STARD7: variants seen among roughly 807,000 people sequenced by gnomAD.
STARD7 encodes the protein stAR-related lipid transfer protein 7, mitochondrial.
Under a neutral mutation model 45.3 loss-of-function variants are expected in STARD7, and 30 were observed. That is an observed-to-expected ratio of 0.66 (90% CI 0.50 to 0.90). STARD7 has a LOEUF of 0.90. Ranked by LOEUF, STARD7 falls within the 40% of genes least tolerant of loss-of-function variation. The pLI, the probability that STARD7 is intolerant of heterozygous loss-of-function variation, is 0.00. For synonymous variants in STARD7, 199 were observed against 183.0 expected (o/e 1.09, Z -0.70); for missense variants, 495 against 491.3 (o/e 1.01, Z -0.07).
Position 96,208,343 on chromosome 2 carries a change from G to T in STARD7, c.92C>A (p.Thr31Lys), listed in dbSNP as rs889415053. The part of the protein sequence containing the change: ...ALLANQCRFV[T>K]GLRVRRAQQI... ...CTGCGCGCGCCGCACGCGCAGGCCC[G>T]TGACGAAGCGGCACTGATTGGCCAG... Residue 31 changes from threonine (T) to lysine (K), a missense_variant, in exon 1 of 8, where the codon ACG becomes AAG. Physicochemically the swap from Thr to Lys is moderately conservative, Grantham distance 78. Around this residue, in one of 2 missense-constraint regions of STARD7, gnomAD observed 282 missense variants for 220.1 expected, o/e 1.28. Coordinates refer to ENST00000337288, the MANE Select transcript of STARD7 (RefSeq NM_020151.4). 1 of 1,597,886 alleles carries T rather than the reference G, an allele frequency of 6.3e-7. No homozygotes were observed. The highest frequency in any genetic ancestry group is 1.3e-5 in the African/African-American group (1 of 74,582).
rs900824589 is a variant in STARD7 at position 96,193,358 on chromosome 2, G to A, written c.550-6C>T. 1.3e-6 allele frequency: 2 copies of A among 1,595,044 alleles called. No homozygotes were observed. The highest frequency in any genetic ancestry group is 2.2e-5 in the South Asian group (2 of 90,560). ...TTTCTATACTCTGTGTCCAGCTGCA[G>A]AAAGAGAAAAGACCATGAATACCCA... On this transcript the variant is annotated splice_region_variant and splice_polypyrimidine_tract_variant and intron_variant, in intron 3 of 7. Transcript: ENST00000337288.
Position 96,185,376 on chromosome 2 carries a change from GAAAACAAAAACAAAAACA to G in STARD7, c.*1336_*1353del, listed in dbSNP as rs200172621. On this transcript the variant is annotated 3_prime_UTR_variant, in exon 8 of 8. Transcript: ENST00000337288. ...AACACCACAAAACAGTAGCAAGCAG[GAAAACAAAAACAAAAACA>G]AAAACAAAAACTCTGGCCCTCAAGA... The G allele has an allele frequency of 7.1e-6, 1 of 140,244 alleles. No individual in the cohort carries two copies. Among genetic ancestry groups the G allele is most frequent in the Non-Finnish European group, 1.5e-5 (1 of 65,646 alleles). The allele number at this position is 140,244 out of a possible 1,614,324, so 8.7% of individuals were successfully genotyped here.
At chr2:96,200,843 C>T (rs1431415656) in intron 1 of STARD7, among the ~76,000 whole-genome samples, 3 of 152,090 alleles carry the variant, frequency 2.0e-5, no homozygotes, top group Non-Finnish European at 4.4e-5. Flanking sequence ...TCACCCTACC[C>T]CCTGCAACAT....
chr2:96,206,192 C>A (rs1434890849), intron 1 of STARD7, among the ~76,000 whole-genome samples: 1 of 152,126 alleles, frequency 6.6e-6, no homozygotes, highest in Non-Finnish European at 1.5e-5. Context: ...CATTTCCTAT[C>A]TTTTTTCCCC....
In STARD7 at chr2:96,208,607, T is replaced by G. The variant is rs1683449976; in HGVS notation, c.-173A>C. 1.9e-6 allele frequency: 1 copy of G among 526,470 alleles called. No individual in the cohort carries two copies. The highest frequency in any genetic ancestry group is 3.2e-6 in the Non-Finnish European group (1 of 316,716). The allele number at this position is 526,470 out of a possible 1,614,324, so 32.6% of individuals were successfully genotyped here. A position where few individuals can be genotyped will look rare whatever the true frequency, so the allele number is the denominator to read the frequency against. On this transcript the variant is annotated 5_prime_UTR_variant, in exon 1 of 8. Transcript: ENST00000337288. ...CTGCAGCCACCGCTGAGGAAGAGTC[T>G]CCTCTGAGGGGAGAGTCGGTCATGG...
chr2:96,199,099 T>C (rs1683268193), intron 1 of STARD7, among the ~76,000 whole-genome samples: 2 of 152,228 alleles, frequency 1.3e-5, no homozygotes, highest in African/African-American at 4.8e-5. Context: ...GTTTTGAAAT[T>C]GGGAACAGTG....
intron 1 of STARD7, among the ~76,000 whole-genome samples, chr2:96,199,683 T>G (rs1010780595): frequency 3.9e-5 from 6 of 152,246 alleles, no homozygotes; most frequent in African/African-American, 1.4e-4. Context: ...GGTTATGACC[T>G]CCAGTACAAT....
chr2:96,208,398 C>G lies in STARD7; in HGVS notation c.37G>C (p.Gly13Arg), dbSNP rs1476848940. ...PRRLLAAWLA[G>R]TRGGGLLALL... Reference sequence around the variant, plus strand: ...GCCAGCAGGCCCCCGCCCCGCGTCCCCGCCAGCCAGGCGGCCAGCAGCCTC... The same window carrying G: ...GCCAGCAGGCCCCCGCCCCGCGTCCGCGCCAGCCAGGCGGCCAGCAGCCTC... Residue 13 changes from glycine (G) to arginine (R), a missense_variant, in exon 1 of 8, where the codon GGG (glycine) becomes CGG (arginine). Gly to Arg is a moderately radical substitution (Grantham distance 125). Around this residue, in one of 2 missense-constraint regions of STARD7, gnomAD observed 282 missense variants for 220.1 expected, o/e 1.28. Transcript: ENST00000337288. The G allele has an allele frequency of 5.5e-6, 8 of 1,453,022 alleles. No individual in the cohort carries two copies. The highest frequency in any genetic ancestry group is 7.2e-6 in the Non-Finnish European group (8 of 1,113,064). 90.0% of individuals were successfully genotyped at this position (1,453,022 alleles called of 1,614,324 possible).
chr2:96,195,031 G>C (rs1179311282), intron 2 of STARD7, 24 bp from the exon 3 acceptor site: 2 of 1,593,862 alleles, frequency 1.3e-6, no homozygotes, highest in Non-Finnish European at 1.7e-6. Context: ...AAAGAATAAG[G>C]GATGCTGGCC....
intron 1 of STARD7, 34 bp downstream of exon 1, chr2:96,208,111 C>T: frequency 6.6e-7 from 1 of 1,504,232 alleles, no homozygotes; most frequent in Non-Finnish European, 8.9e-7. Context: ...CCCCCCCACC[C>T]CACGGCCCAG....
At chr2:96,200,031 T>C (rs1010970097) in intron 1 of STARD7, among the ~76,000 whole-genome samples, 5 of 152,188 alleles carry the variant, frequency 3.3e-5, no homozygotes, top group Non-Finnish European at 7.3e-5. Context: ...ATATAATCCA[T>C]TTCATATATT....
intron 1 of STARD7, among the ~76,000 whole-genome samples, chr2:96,196,563 G>A (rs1683212302): frequency 6.6e-6 from 1 of 152,164 alleles, no homozygotes; most frequent in South Asian, 2.1e-4. Flanking sequence ...CTGGGTTCAA[G>A]TATTTCTCCT....
intron 1 of STARD7, among the ~76,000 whole-genome samples, chr2:96,206,068 G>GAGT (rs1473042987): frequency 6.6e-6 from 1 of 152,134 alleles, no homozygotes; most frequent in African/African-American, 2.4e-5. Context: ...GTAGAACCAA[G>GAGT]AGTATTTCAA....
chr2:96,208,550 T>G lies in STARD7; in HGVS notation c.-116A>C. On this transcript the variant is annotated 5_prime_UTR_variant, in exon 1 of 8. Coordinates refer to ENST00000337288, the MANE Select transcript of STARD7 (RefSeq NM_020151.4). ...GGCCGGCCACGAACCCGTCTCACGG[T>G]CCCGCGGCCAGGAGCCGCCGCTCAT... 2 of 958,826 alleles carry G rather than the reference T, an allele frequency of 2.1e-6. No homozygotes were observed. Among genetic ancestry groups the G allele is most frequent in the Non-Finnish European group, 2.8e-6 (2 of 707,084 alleles). The allele number at this position is 958,826 out of a possible 1,614,324, so 59.4% of individuals were successfully genotyped here. A position where few individuals can be genotyped will look rare whatever the true frequency, so the allele number is the denominator to read the frequency against.
intron 6 of STARD7, among the ~76,000 whole-genome samples, chr2:96,190,911 C>T (rs955353062): frequency 7.9e-5 from 12 of 152,150 alleles, no homozygotes; most frequent in Middle Eastern, 3.2e-3. Context: ...CGCCTCTAAT[C>T]CCAGCATTTT....
At position 96,208,413 on chromosome 2, in the gene STARD7, C is replaced by A. The variant is rs1415353059; in HGVS notation, c.22G>T (p.Ala8Ser). 1 of 1,419,458 alleles carries A rather than the reference C, an allele frequency of 7.0e-7. No homozygotes were observed. Among genetic ancestry groups the A allele is most frequent in the East Asian group, 3.0e-5 (1 of 33,550 alleles). The allele number at this position is 1,419,458 out of a possible 1,614,324, so 87.9% of individuals were successfully genotyped here. Residue 8 changes from alanine to serine, a missense_variant, in exon 1 of 8, where the codon GCC (alanine) becomes TCC (serine). Ala to Ser is a moderately conservative substitution (Grantham distance 99). Coordinates refer to ENST00000337288, the MANE Select transcript of STARD7 (RefSeq NM_020151.4). ...CCCCGCGTCCCCGCCAGCCAGGCGG[C>A]CAGCAGCCTCCGCGGGAGCATGCCG... MLPRRLL[A>S]AWLAGTRGGG...
At chr2:96,196,627 G>A (rs539622263) in intron 1 of STARD7, among the ~76,000 whole-genome samples, 1 of 151,990 alleles carries the variant, frequency 6.6e-6, no homozygotes, top group Non-Finnish European at 1.5e-5. Context: ...ATGCCCGGCT[G>A]ATTTTTTGTA....
chr2:96,203,179 A>G (rs1420477196), intron 1 of STARD7, among the ~76,000 whole-genome samples: 2 of 152,226 alleles, frequency 1.3e-5, no homozygotes, highest in East Asian at 3.8e-4. Flanking sequence ...ACTAACATAT[A>G]TGTGGAGAAA....
chr2:96,207,653 C>T (rs1215515926), intron 1 of STARD7, among the ~76,000 whole-genome samples: 1 of 152,200 alleles, frequency 6.6e-6, no homozygotes, highest in African/African-American at 2.4e-5. Flanking sequence ...AAATCGCTTC[C>T]AGGCTCTCAA....
Sources: allele counts gnomAD v4.1 joint callset (sites outside exome capture counted in the v4.1 genomes callset), GRCh38; gene constraint gnomAD v4.1.1; regional missense constraint gnomAD v4.1.1; transcripts MANE v1.5; gene names NCBI Gene and HGNC (gene_info 2026-07-23, HGNC 2026-07-21).